Variants in FAM83B observed in about 807,000 individuals in gnomAD.
The protein encoded by FAM83B is scaffolding CK1 anchoring protein B, also known as protein FAM83B.
A neutral mutation model predicts 38.8 loss-of-function variants in FAM83B; 26 were observed. The observed-to-expected ratio is 0.67, with a 90% CI of 0.49 to 0.93. FAM83B has a LOEUF of 0.93. Among genes scored for constraint, FAM83B ranks in the 40% least tolerant of loss-of-function variants. The pLI, the probability that FAM83B is intolerant of heterozygous loss-of-function variation, is 0.00. For missense variants in FAM83B, 1,237 were observed against 1,197.3 expected (o/e 1.03, Z -0.49); for synonymous variants, 419 against 423.1 (o/e 0.99, Z 0.12).
At chr6:54,905,722 CAAAA>C (rs1772763911) in intron 2 of FAM83B, among the ~76,000 whole-genome samples, 1 of 151,700 alleles carries the variant, frequency 6.6e-6, no homozygotes, top group Admixed American at 6.6e-5. Flanking sequence ...TATATGTTAA[CAAAA>C]TAAATAATAG....
chr6:54,883,253 T>C (rs9357820), intron 2 of FAM83B, among the ~76,000 whole-genome samples: 143,918 of 151,478 alleles, frequency 0.95, 68,421 homozygotes, highest in East Asian at 1. Flanking sequence ...ATTATTGTCA[T>C]TTTATACCTG....
chr6:54,940,947 TA>T lies in FAM83B; in HGVS notation c.1977del (p.Arg662GlyfsTer14), dbSNP rs1561933304. 1.2e-6 allele frequency: 2 copies of T among 1,613,494 alleles called. No homozygotes were observed. Among genetic ancestry groups the T allele is most frequent in the Non-Finnish European group, 1.7e-6 (2 of 1,179,860 alleles). On this transcript the variant is annotated frameshift_variant, in exon 5 of 5. Coordinates refer to ENST00000306858, the MANE Select transcript of FAM83B (RefSeq NM_001010872.3). LOFTEE classifies it high-confidence loss of function. Reference protein sequence around the residue: ...ENLKNQQTENLLKRRSFPLFD... With the variant: ...ENLKNQQTENXLKRRSFPLFD... ...CTAAAGAATCAACAGACTGAGAATC[TA>T]CTTAAAAGGCGAAGTTTCCCGTTAT...
chr6:54,857,161 C>T (rs927507816), intron 1 of FAM83B, among the ~76,000 whole-genome samples: 2 of 152,154 alleles, frequency 1.3e-5, no homozygotes, highest in Non-Finnish European at 2.9e-5. Flanking sequence ...ATAGTTGAGG[C>T]ACACTACCCT....
At position 54,867,238 on chromosome 6, in the gene FAM83B, C is replaced by T. The variant is rs886871891; in HGVS notation, c.-60-2949C>T. ...AATTTTGTCCTCAAATAAAGCCCTC[C>T]AAATGTTCAGGGATTGAACTGCTGA... is the stretch of plus-strand genomic sequence containing the variant. On this transcript the variant is annotated intron_variant, in intron 1 of 4. Coordinates refer to ENST00000306858, the MANE Select transcript of FAM83B (RefSeq NM_001010872.3). 2.0e-5 allele frequency among the ~76,000 whole-genome samples: 3 copies of T among 151,570 alleles called. No homozygotes were observed. The South Asian group carries it at 6.2e-4, about 31-fold the overall frequency.
rs1270341233 is a variant in FAM83B, at chr6:54,870,668, A to G, written c.422A>G (p.Lys141Arg). Residue 141 changes from lysine to arginine, a missense_variant, in exon 2 of 5, where the codon AAG (lysine) becomes AGG (arginine). Physicochemically the swap from Lys to Arg is conservative, Grantham distance 26. Coordinates refer to ENST00000306858, the MANE Select transcript of FAM83B (RefSeq NM_001010872.3). Reference sequence around the variant, plus strand: ...CTTACGATAAAAGAAACTATTCGGAAGATGATAAAAGAAGCAAGAAAGGTA... The same window carrying G: ...CTTACGATAAAAGAAACTATTCGGAGGATGATAAAAGAAGCAAGAAAGGTA... ...HLLTIKETIR[K>R]MIKEARKVIA... 1.3e-6 allele frequency: 2 copies of G among 1,590,114 alleles called. No individual in the cohort carries two copies. The highest frequency in any genetic ancestry group is 4.5e-5 in the East Asian group (2 of 44,642).
At position 54,927,490 on chromosome 6, in the gene FAM83B, A is replaced by T; in HGVS notation, c.610-18A>T. 6.5e-7 allele frequency: 1 copy of T among 1,548,968 alleles called. No homozygotes were observed. The highest frequency in any genetic ancestry group is 1.4e-5 in the African/African-American group (1 of 73,602). On this transcript the variant is annotated intron_variant, in intron 3 of 4. Coordinates refer to ENST00000306858, the MANE Select transcript of FAM83B (RefSeq NM_001010872.3). ...TTCCTAGCCATAATGTCTGCTTTTT[A>T]TTTACATATAATTCTAGAATATTCG...
chr6:54,850,879 C>T lies in FAM83B; in HGVS notation c.-61+4053C>T, dbSNP rs528745518. Among the ~76,000 whole-genome samples the T allele has an allele frequency of 5.5e-3, 830 of 151,714 alleles. 7 individuals are homozygous for T. The highest frequency in any genetic ancestry group is 0.019 in the African/African-American group (785 of 41,368). On this transcript the variant is annotated intron_variant, in intron 1 of 4. Coordinates refer to ENST00000306858, the MANE Select transcript of FAM83B (RefSeq NM_001010872.3). Reference sequence around the variant, plus strand: ...ACTAAAAATACAAAAATTGGCCAGGCGTGGTGGCGGGTGCCTGTAATCCCA... The same window carrying T: ...ACTAAAAATACAAAAATTGGCCAGGTGTGGTGGCGGGTGCCTGTAATCCCA...
At chr6:54,887,683 A>C (rs574985243) in intron 2 of FAM83B, among the ~76,000 whole-genome samples, 4 of 151,842 alleles carry the variant, frequency 2.6e-5, no homozygotes, top group Non-Finnish European at 5.9e-5. Flanking sequence ...CTCCTAAAAA[A>C]CTTCTTTATA....
Position 54,941,324 on chromosome 6 carries a change from A to G in FAM83B, c.2353A>G (p.Lys785Glu), listed in dbSNP as rs1466833128. 1 of 1,612,390 alleles carries G rather than the reference A, an allele frequency of 6.2e-7. No individual in the cohort carries two copies. The highest frequency in any genetic ancestry group is 8.5e-7 in the Non-Finnish European group (1 of 1,179,670). ...GTCATTACTTAGCCTTACCCCAGATAAGAAAGAAAATCTATCCAAAAATAA... is the reference window on the plus strand; with the variant it reads ...GTCATTACTTAGCCTTACCCCAGATGAGAAAGAAAATCTATCCAAAAATAA... ...LRSLLSLTPD[K>E]KENLSKNKAP... is the part of the protein sequence containing the mutation. The change falls in exon 5 of 5, where the codon AAG becomes GAG. Residue 785 changes from lysine (K) to glutamate (E), a missense_variant. Coordinates refer to ENST00000306858, the MANE Select transcript of FAM83B (RefSeq NM_001010872.3).
chr6:54,873,872 G>A (rs1771924843), intron 2 of FAM83B, among the ~76,000 whole-genome samples: 1 of 151,800 alleles, frequency 6.6e-6, no homozygotes, highest in Admixed American at 6.6e-5. Context: ...GTTGAGATAA[G>A]GTACTTGTGA....
At chr6:54,928,675 A>G (rs1773360360) in intron 4 of FAM83B, among the ~76,000 whole-genome samples, 1 of 152,188 alleles carries the variant, frequency 6.6e-6, no homozygotes, top group Non-Finnish European at 1.5e-5. Flanking sequence ...ATATGTGAAT[A>G]TATTTGTCCA....
At position 54,926,547 on chromosome 6, in the gene FAM83B, GT is replaced by G. The variant is rs563606615; in HGVS notation, c.609+22del. ...TTCAGCGTCTCAGGGTAAGAATTCT[GT>G]TTTTTTTTTCCTCAAGTATTTTATG... On this transcript the variant is annotated intron_variant, in intron 3 of 4. Coordinates refer to ENST00000306858, the MANE Select transcript of FAM83B (RefSeq NM_001010872.3). The G allele has an allele frequency of 2.3e-4, 309 of 1,368,974 alleles. No individual in the cohort carries two copies. The highest frequency in any genetic ancestry group is 6.4e-4 in the South Asian group (41 of 63,620). The allele number at this position is 1,368,974 out of a possible 1,614,324, so 84.8% of individuals were successfully genotyped here. A position where few individuals can be genotyped will look rare whatever the true frequency, so the allele number is the denominator to read the frequency against.
intron 2 of FAM83B, among the ~76,000 whole-genome samples, chr6:54,906,052 C>T (rs1287167892): frequency 1.6e-5 from 2 of 124,810 alleles, no homozygotes; most frequent in Non-Finnish European, 3.2e-5. Context: ...ACCTACTATT[C>T]GAAAAAAAAA....
At chr6:54,918,974 CA>C (rs1313837249) in intron 2 of FAM83B, among the ~76,000 whole-genome samples, 6 of 152,060 alleles carry the variant, frequency 3.9e-5, no homozygotes, top group Non-Finnish European at 7.4e-5. Flanking sequence ...GTCTTGAGCT[CA>C]TTTTTCCACC....
chr6:54,939,708 A>G lies in FAM83B; in HGVS notation c.737A>G (p.Tyr246Cys), dbSNP rs1431429292. The G allele has an allele frequency of 8.2e-6, 13 of 1,580,930 alleles. No individual in the cohort carries two copies. The highest frequency in any genetic ancestry group is 1.1e-5 in the Non-Finnish European group (13 of 1,166,528). Residue 246 changes from tyrosine to cysteine, a missense_variant and splice_region_variant, in exon 5 of 5, where the codon TAT (tyrosine) becomes TGT (cysteine). By Grantham distance (194) the Tyr-to-Cys change is radical (BLOSUM62 -2). Coordinates refer to ENST00000306858, the MANE Select transcript of FAM83B (RefSeq NM_001010872.3). ...CQKVMYGSYSYMWSFEKAHLS... is the reference protein window; with the variant it reads ...CQKVMYGSYSCMWSFEKAHLS... Reference sequence around the variant, plus strand: ...AATTTTTCCATTTTTTTCCCCAGTTATATGTGGTCATTTGAGAAAGCTCAC... The same window carrying G: ...AATTTTTCCATTTTTTTCCCCAGTTGTATGTGGTCATTTGAGAAAGCTCAC...
intron 2 of FAM83B, among the ~76,000 whole-genome samples, chr6:54,882,721 C>T (rs532512120): frequency 6.6e-6 from 1 of 152,164 alleles, no homozygotes; most frequent in Non-Finnish European, 1.5e-5. Flanking sequence ...TACTTCCACT[C>T]CAGGGCTACT....
At chr6:54,847,980 C>T (rs1771180483) in intron 1 of FAM83B, among the ~76,000 whole-genome samples, 2 of 151,974 alleles carry the variant, frequency 1.3e-5, no homozygotes, top group African/African-American at 2.4e-5. Context: ...CTCATCCTAA[C>T]AAGTGCAAGA....
intron 2 of FAM83B, among the ~76,000 whole-genome samples, chr6:54,884,921 C>T (rs1372705672): frequency 6.6e-6 from 1 of 151,908 alleles, no homozygotes; most frequent in South Asian, 2.1e-4. Flanking sequence ...TACAGGCGCC[C>T]GCCACCACGC....
At chr6:54,909,847 T>G (rs1245745347) in intron 2 of FAM83B, among the ~76,000 whole-genome samples, 1 of 152,196 alleles carries the variant, frequency 6.6e-6, no homozygotes, top group African/African-American at 2.4e-5. Flanking sequence ...CCTGTGCCTT[T>G]AAAGATGAGT....
Sources: gnomAD v4.1 joint callset for allele counts (sites outside exome capture counted in the v4.1 genomes callset) on GRCh38, gnomAD v4.1.1 for gene constraint, MANE v1.5 for transcripts, NCBI Gene and HGNC (gene_info 2026-07-23, HGNC 2026-07-21) for gene names.